DHX8: variants seen among roughly 807,000 people sequenced by gnomAD.
DHX8 encodes the protein DEAH-box helicase 8, also known as ATP-dependent RNA helicase DHX8.
A neutral mutation model predicts 140.7 loss-of-function variants in DHX8; 67 were observed. The observed-to-expected ratio is 0.48, with a 90% CI of 0.39 to 0.58. The LOEUF (loss-of-function observed/expected upper bound fraction) is 0.58. Ranked by LOEUF, DHX8 falls within the 20% of genes least tolerant of loss-of-function variation. DHX8 has a pLI of 0.00. For synonymous variants in DHX8, 533 were observed against 553.2 expected, an observed-to-expected ratio of 0.96 and a Z score of 0.51; for missense variants, 887 against 1,550.7, an observed-to-expected ratio of 0.57 and a Z score of 7.19.
intron 10 of DHX8, 98 bp downstream of exon 10, chr17:43,499,057 C>T: frequency 3.4e-6 from 3 of 875,864 alleles, no homozygotes; most frequent in Non-Finnish European, 5.2e-6. Flanking sequence ...AGAACTTGGG[C>T]CACAGAAAGT....
intron 2 of DHX8, among the ~76,000 whole-genome samples, chr17:43,532,377 T>C (rs1002594323): frequency 2.0e-5 from 3 of 151,938 alleles, no homozygotes; most frequent in African/African-American, 7.3e-5. Context: ...CTGGTGCCTG[T>C]AATCCCAGGT....
chr17:43,510,299 C>G (rs532478131), intron 16 of DHX8, among the ~76,000 whole-genome samples: 58 of 152,280 alleles, frequency 3.8e-4, no homozygotes, highest in Middle Eastern at 6.8e-3. Context: ...CTGCCCCCCT[C>G]GGCCTCCCAA....
chr17:43,497,346 A>G (rs1488054994), intron 9 of DHX8, among the ~76,000 whole-genome samples: 1 of 152,072 alleles, frequency 6.6e-6, no homozygotes, highest in Non-Finnish European at 1.5e-5. Context: ...TGATGGACAT[A>G]TGAGTTGTTT....
intron 12 of DHX8, 138 bp from the exon 13 acceptor site, chr17:43,506,860 CTCTTT>C (rs1969524222): frequency 1.4e-5 from 8 of 569,536 alleles, no homozygotes; most frequent in African/African-American, 7.6e-5. Flanking sequence ...GTGTATATTC[CTCTTT>C]TCTTTGGTGT....
Position 43,507,015 on chromosome 17 carries a change from A to T in DHX8, c.1741A>T (p.Asn581Tyr). 6.2e-7 allele frequency: 1 copy of T among 1,601,096 alleles called. No individual in the cohort carries two copies. The highest frequency in any genetic ancestry group is 8.5e-7 in the Non-Finnish European group (1 of 1,173,860). ...CTGTTGCTTTCAGGCCGTCCATGAC[A>T]ATCAGATCCTGATTGTCATTGGTGA... ...KEQLVQAVHD[N>Y]QILIVIGETG... is the part of the protein sequence containing the mutation. Residue 581 changes from asparagine (N) to tyrosine (Y), a missense_variant, in exon 13 of 23, where the codon AAT becomes TAT. Physicochemically the swap from Asn to Tyr is moderately radical, Grantham distance 143. Transcript: ENST00000262415.
At chr17:43,484,602 T>A (rs1324900745) in intron 1 of DHX8, among the ~76,000 whole-genome samples, 4 of 152,216 alleles carry the variant, frequency 2.6e-5, no homozygotes, top group African/African-American at 9.6e-5. Flanking sequence ...TGTGACATAG[T>A]AGTTAGCGTC....
chr17:43,521,918 A>G, intron 21 of DHX8, 129 bp from the exon 22 acceptor site: 1 of 955,114 alleles, frequency 1.0e-6, no homozygotes, highest in African/African-American at 1.6e-5. Context: ...TCTGTAGTAC[A>G]CTTAGGGCTG....
At chr17:43,522,982 G>A (rs1253479331) in intron 22 of DHX8, among the ~76,000 whole-genome samples, 1 of 146,890 alleles carries the variant, frequency 6.8e-6, no homozygotes, top group African/African-American at 2.5e-5. Context: ...AGAATAGCTT[G>A]AACCCGGGAG....
downstream of DHX8, among the ~76,000 whole-genome samples, chr17:43,530,599 TGC>T (rs1316086408): frequency 3.8e-5 from 4 of 106,026 alleles, no homozygotes; most frequent in Admixed American, 2.9e-4. Context: ...CCCAGCCCTG[TGC>T]ACGCGCGCGT....
chr17:43,510,156 C>T (rs1434293177), intron 16 of DHX8, among the ~76,000 whole-genome samples: 1 of 152,116 alleles, frequency 6.6e-6, no homozygotes, highest in African/African-American at 2.4e-5. Flanking sequence ...TCAAGTGATT[C>T]TCCTGCCTCA....
chr17:43,484,324 C>T, intron 1 of DHX8, 139 bp downstream of exon 1: 7 of 1,042,812 alleles, frequency 6.7e-6, no homozygotes. Context: ...CACCGGTGCC[C>T]AGGGTACACG....
chr17:43,485,830 CAATT>C (rs1968108936), intron 1 of DHX8, among the ~76,000 whole-genome samples: 1 of 152,196 alleles, frequency 6.6e-6, no homozygotes, highest in Admixed American at 6.6e-5. Context: ...CTAAAGATCT[CAATT>C]AATTTGCAGA....
intron 1 of DHX8, among the ~76,000 whole-genome samples, chr17:43,487,481 G>A (rs1809546138): frequency 6.6e-6 from 1 of 152,132 alleles, no homozygotes; most frequent in Non-Finnish European, 1.5e-5. Context: ...CTACTCCCGA[G>A]TAGCTAGGAC....
At chr17:43,538,179 C>T (rs1168272654) in intron 3 of DHX8, among the ~76,000 whole-genome samples, 9 of 150,220 alleles carry the variant, frequency 6.0e-5, no homozygotes, top group Non-Finnish European at 8.9e-5. Flanking sequence ...CGTGGTGGCA[C>T]GCCTGTAATC....
intron 22 of DHX8, among the ~76,000 whole-genome samples, chr17:43,523,064 A>G (rs1369004504): frequency 1.1e-4 from 1 of 9,460 alleles, no homozygotes; most frequent in African/African-American, 8.3e-4. Flanking sequence ...CTCCGTCCCA[A>G]AAAAAAAAAA....
chr17:43,493,392 T>G, intron 6 of DHX8, 53 bp from the exon 7 acceptor site: 1 of 1,595,278 alleles, frequency 6.3e-7, no homozygotes, highest in Non-Finnish European at 8.6e-7. Flanking sequence ...TAGAAATTGG[T>G]TGGGGGAAAA....
intron 15 of DHX8, 99 bp downstream of exon 15, chr17:43,508,118 A>T (rs1326571109): frequency 7.9e-7 from 1 of 1,264,960 alleles, no homozygotes; most frequent in Non-Finnish European, 1.1e-6. Flanking sequence ...CTTTTTAAAA[A>T]CAACTTCTAA....
Position 43,524,830 on chromosome 17 carries a change from C to T in DHX8, c.*983C>T, listed in dbSNP as rs1248208181. The T allele has an allele frequency of 1.0e-6, 1 of 985,294 alleles. No individual in the cohort carries two copies. Among genetic ancestry groups the T allele is most frequent in the Non-Finnish European group, 1.2e-6 (1 of 829,948 alleles). 61.0% of individuals were successfully genotyped at this position (985,294 alleles called of 1,614,324 possible). A position where few individuals can be genotyped will look rare whatever the true frequency, so the allele number is the denominator to read the frequency against. Reference sequence around the variant, plus strand: ...CTCCAAACAGAAAACAAACATAACACCTCTCCTCTCAGCTGGTTTGTGCTG... The same window carrying T: ...CTCCAAACAGAAAACAAACATAACATCTCTCCTCTCAGCTGGTTTGTGCTG... On this transcript the variant is annotated 3_prime_UTR_variant, in exon 23 of 23. Transcript: ENST00000262415.
At chr17:43,532,061 T>G (rs187964795) in intron 2 of DHX8, among the ~76,000 whole-genome samples, 43 of 152,360 alleles carry the variant, frequency 2.8e-4, no homozygotes, top group African/African-American at 4.3e-4. Flanking sequence ...GGTCTCACTT[T>G]GTTGCCTAAG....
Sources: allele counts gnomAD v4.1 joint callset (sites outside exome capture counted in the v4.1 genomes callset), GRCh38; gene constraint gnomAD v4.1.1; transcripts MANE v1.5; gene names NCBI Gene and HGNC (gene_info 2026-07-23, HGNC 2026-07-21).